The following AP2A2 variants were observed in gnomAD, a reference collection of about 807,000 sequenced individuals.
AP2A2 encodes the protein AP-2 complex subunit alpha-2.
In AP2A2, 32 loss-of-function variants were observed where a neutral mutation model predicts 104.2. The observed-to-expected ratio is 0.31, with a 90% confidence interval of 0.23 to 0.41. AP2A2 has a LOEUF of 0.41. Among genes scored for constraint, AP2A2 ranks in the 10% least tolerant of loss-of-function variants. The pLI is 1.00. For synonymous variants in AP2A2, 539 were observed against 533.3 expected (o/e 1.01, Z -0.15); for missense variants, 912 against 1,261.0 (o/e 0.72, Z 4.19).
chr11:997,199 G>A (rs1034777066), intron 14 of AP2A2, among the ~76,000 whole-genome samples: 1 of 152,194 alleles, frequency 6.6e-6, no homozygotes, highest in Non-Finnish European at 1.5e-5. Context: ...TCATAGATGA[G>A]GCCAGGACAT....
intron 6 of AP2A2, among the ~76,000 whole-genome samples, chr11:982,371 A>G (rs1048278206): frequency 2.0e-5 from 3 of 152,036 alleles, no homozygotes; most frequent in Admixed American, 1.3e-4. Context: ...TTAAATCTAC[A>G]TTTTCCAGAT....
At chr11:997,353 A>G (rs1855889567) in intron 14 of AP2A2, among the ~76,000 whole-genome samples, 1 of 152,134 alleles carries the variant, frequency 6.6e-6, no homozygotes, top group Admixed American at 6.5e-5. Flanking sequence ...GGGCCCTTGT[A>G]GGCAAAACCT....
At chr11:996,714 T>G (rs1359758543) in intron 14 of AP2A2, among the ~76,000 whole-genome samples, 1 of 152,026 alleles carries the variant, frequency 6.6e-6, no homozygotes, top group Non-Finnish European at 1.5e-5. Flanking sequence ...TTGGAGGGAG[T>G]TCCCCCTTCA....
At chr11:962,057 A>G (rs1188217070) in intron 2 of AP2A2, among the ~76,000 whole-genome samples, 3 of 152,244 alleles carry the variant, frequency 2.0e-5, no homozygotes, top group Non-Finnish European at 4.4e-5. Context: ...CCCATCAGGG[A>G]GCTCGGGAGC....
intron 2 of AP2A2, among the ~76,000 whole-genome samples, chr11:962,879 G>C (rs1247640867): frequency 6.6e-6 from 1 of 152,152 alleles, no homozygotes; most frequent in Admixed American, 6.5e-5. Context: ...CGCGTACCCT[G>C]GGTGGTGGCA....
intron 8 of AP2A2, among the ~76,000 whole-genome samples, chr11:985,882 C>T (rs943554691): frequency 2.0e-5 from 3 of 152,152 alleles, no homozygotes; most frequent in Admixed American, 6.5e-5. Flanking sequence ...AGAGAGGAGA[C>T]GGGTGGGGTG....
chr11:941,326 A>G (rs147076876), intron 1 of AP2A2, among the ~76,000 whole-genome samples: 7 of 152,156 alleles, frequency 4.6e-5, no homozygotes, highest in African/African-American at 1.4e-4. Flanking sequence ...TGATAACTCT[A>G]TTGTCCTTGA....
chr11:938,391 T>C (rs1853533666), intron 1 of AP2A2, among the ~76,000 whole-genome samples: 1 of 152,222 alleles, frequency 6.6e-6, no homozygotes, highest in Non-Finnish European at 1.5e-5. Context: ...CTCGCATCGA[T>C]TACCAAATAT....
At chr11:952,828 A>G (rs894849559) in intron 1 of AP2A2, among the ~76,000 whole-genome samples, 17 of 152,158 alleles carry the variant, frequency 1.1e-4, no homozygotes, top group African/African-American at 4.1e-4. Flanking sequence ...ATCTAAAAAG[A>G]TAAGATTTTT....
intron 2 of AP2A2, among the ~76,000 whole-genome samples, chr11:960,328 C>A (rs564655930): frequency 6.6e-6 from 1 of 152,058 alleles, no homozygotes; most frequent in Non-Finnish European, 1.5e-5. Flanking sequence ...CCGCAACCTC[C>A]GCCTTCCAGG....
chr11:969,551 G>T (rs1208658201), intron 2 of AP2A2, among the ~76,000 whole-genome samples: 1 of 152,020 alleles, frequency 6.6e-6, no homozygotes, highest in African/African-American at 2.4e-5. Context: ...TTTAAGGGTT[G>T]GTTTTATATT....
At chr11:950,434 G>C (rs952796121) in intron 1 of AP2A2, among the ~76,000 whole-genome samples, 2 of 151,280 alleles carry the variant, frequency 1.3e-5, no homozygotes, top group East Asian at 3.9e-4. Context: ...TCAGCCTCCT[G>C]AGTAGCTGGG....
intron 3 of AP2A2, 38 bp from the exon 4 acceptor site, chr11:972,024 G>A (rs1322109501): frequency 5.1e-6 from 8 of 1,574,798 alleles, no homozygotes; most frequent in Non-Finnish European, 6.9e-6. Flanking sequence ...GACTTGGATT[G>A]TCATGAGCTT....
In AP2A2 at chr11:993,564, G is replaced by C. The variant is rs934761110; in HGVS notation, c.1550+183G>C. Among the ~76,000 whole-genome samples the C allele has an allele frequency of 1.3e-5, 2 of 152,148 alleles. No individual in the cohort carries two copies. Among genetic ancestry groups the C allele is most frequent in the Non-Finnish European group, 2.9e-5 (2 of 68,024 alleles). On this transcript the variant is annotated intron_variant, in intron 12 of 21. Transcript: ENST00000448903. This position sits in a 1 kb window ranked among gnomAD's most constrained non-coding sequence, Gnocchi z 8.2. The stretch of plus-strand genomic sequence containing the variant: ...AAAGCAGGGATTCTAGTAGAAAATG[G>C]AGACGTGGGGTTGATGGCTGACTTA...
At chr11:1,010,364 TC>T (rs1184103739) in intron 21 of AP2A2, 183 bp from the exon 22 acceptor site, 3 of 600,448 alleles carry the variant, frequency 5.0e-6, no homozygotes, top group African/African-American at 3.7e-5. Flanking sequence ...CGCCAGGCGC[TC>T]CCATGCCAGC....
chr11:934,144 CG>C (rs974231259), intron 1 of AP2A2, among the ~76,000 whole-genome samples: 21 of 152,022 alleles, frequency 1.4e-4, no homozygotes, highest in African/African-American at 4.6e-4. Flanking sequence ...GCCCCCACCC[CG>C]ATACCTCAGG....
intron 1 of AP2A2, among the ~76,000 whole-genome samples, chr11:949,383 G>T (rs1853959370): frequency 6.6e-6 from 1 of 152,102 alleles, no homozygotes; most frequent in African/African-American, 2.4e-5. Context: ...ACTAGACAAA[G>T]ACATGACAAG....
intron 2 of AP2A2, among the ~76,000 whole-genome samples, chr11:960,063 C>G (rs1398734577): frequency 6.6e-6 from 1 of 152,156 alleles, no homozygotes; most frequent in Admixed American, 6.5e-5. Flanking sequence ...GCTCACCTCC[C>G]TGAGCATACC....
chr11:996,673 G>A (rs1417792595), intron 14 of AP2A2, among the ~76,000 whole-genome samples: 2 of 152,202 alleles, frequency 1.3e-5, no homozygotes, highest in Non-Finnish European at 2.9e-5. Context: ...TGAGGGTCCA[G>A]TGAGGTTCAG....
Sources: gnomAD v4.1 joint callset for allele counts (sites outside exome capture counted in the v4.1 genomes callset) on GRCh38, gnomAD v4.1.1 for gene constraint, Gnocchi (gnomAD v3.1) non-coding constraint, MANE v1.5 for transcripts, NCBI Gene and HGNC (gene_info 2026-07-23, HGNC 2026-07-21) for gene names.